SDK1: variants seen among roughly 807,000 people sequenced by gnomAD.
SDK1 encodes protein sidekick-1.
A neutral mutation model predicts 245.5 loss-of-function variants in SDK1; 157 were observed. The ratio of observed to expected loss-of-function variants is 0.64; its 90% CI spans 0.56 to 0.73. The LOEUF (loss-of-function observed/expected upper bound fraction) is 0.73. Among genes scored for constraint, SDK1 ranks in the 30% least tolerant of loss-of-function variants. The probability of loss-of-function intolerance (pLI) is 0.00; values close to 1 mark genes in which losing one functional copy is unlikely to be tolerated. For synonymous variants in SDK1, 1,647 were observed against 1,278.5 expected, an observed-to-expected ratio of 1.29 and a Z score of -6.15; for missense variants, 3,583 against 3,002.3, an observed-to-expected ratio of 1.19 and a Z score of -4.52.
At chr7:3,866,201 C>CATA (rs1426967800) in intron 5 of SDK1, among the ~76,000 whole-genome samples, 13 of 152,232 alleles carry the variant, frequency 8.5e-5, no homozygotes, top group African/African-American at 2.9e-4. Flanking sequence ...TCTCAGATCA[C>CATA]ACTGAAGAGC....
At chr7:3,403,683 G>C (rs980447598) in intron 1 of SDK1, among the ~76,000 whole-genome samples, 1 of 151,156 alleles carries the variant, frequency 6.6e-6, no homozygotes, top group African/African-American at 2.4e-5. Context: ...TGGTACAGTA[G>C]TTACTACCTA....
intron 1 of SDK1, among the ~76,000 whole-genome samples, chr7:3,479,978 G>C (rs1267559866): frequency 6.6e-6 from 1 of 151,912 alleles, no homozygotes; most frequent in Non-Finnish European, 1.5e-5. Flanking sequence ...GTGATAGGCA[G>C]AATAATGCCC....
chr7:4,180,422 A>C (rs1354765033), intron 35 of SDK1, among the ~76,000 whole-genome samples: 4 of 143,338 alleles, frequency 2.8e-5, no homozygotes, highest in African/African-American at 5.4e-5. Context: ...CTCTATGCCC[A>C]GCGCCCAGCT....
intron 1 of SDK1, among the ~76,000 whole-genome samples, chr7:3,453,955 C>A (rs150042495): frequency 8.0e-4 from 122 of 152,142 alleles, no homozygotes; most frequent in African/African-American, 2.8e-3. Context: ...GATTTTGATA[C>A]AATGTACGAC....
At chr7:3,304,318 C>G (rs896777537) in intron 1 of SDK1, among the ~76,000 whole-genome samples, 6 of 152,220 alleles carry the variant, frequency 3.9e-5, no homozygotes, top group African/African-American at 9.7e-5. Flanking sequence ...GCAACACATG[C>G]TTTCTTTATG....
intron 5 of SDK1, among the ~76,000 whole-genome samples, chr7:3,824,447 A>G (rs894782849): frequency 1.3e-5 from 2 of 152,188 alleles, no homozygotes; most frequent in East Asian, 1.9e-4. Context: ...ATGATCGGGT[A>G]CTGGTAATTA....
At chr7:3,693,967 C>T (rs752677829) in intron 4 of SDK1, among the ~76,000 whole-genome samples, 1 of 152,302 alleles carries the variant, frequency 6.6e-6, no homozygotes, top group South Asian at 2.1e-4. Flanking sequence ...CTTGCTCCCT[C>T]ACTCGTCCCA....
intron 40 of SDK1, 200 bp from the exon 41 acceptor site, chr7:4,233,052 AATC>A: frequency 1.8e-6 from 1 of 546,736 alleles, no homozygotes; most frequent in Non-Finnish European, 3.3e-6. Context: ...GTTGTTCTAC[AATC>A]ATCACACCAT....
chr7:4,194,339 CATGTATAG>C (rs1245117267), intron 35 of SDK1, among the ~76,000 whole-genome samples: 1 of 113,382 alleles, frequency 8.8e-6, no homozygotes, highest in Non-Finnish European at 1.8e-5. Flanking sequence ...TATGTGTATA[CATGTATAG>C]ATATATGTAT....
chr7:3,426,536 G>A (rs1462575871), intron 1 of SDK1, among the ~76,000 whole-genome samples: 1 of 152,184 alleles, frequency 6.6e-6, no homozygotes, highest in African/African-American at 2.4e-5. Context: ...CTGATACATA[G>A]ATGTAAAACC....
intron 13 of SDK1, among the ~76,000 whole-genome samples, chr7:3,977,277 C>G (rs377680718): frequency 0.014 from 148 of 10,330 alleles, 23 homozygotes; most frequent in African/African-American, 0.08. Context: ...GCCACACAGA[C>G]GGTCCTCCAG....
chr7:3,786,120 T>G (rs1780892687), intron 4 of SDK1, among the ~76,000 whole-genome samples: 1 of 152,180 alleles, frequency 6.6e-6, no homozygotes, highest in African/African-American at 2.4e-5. Context: ...CCTTGTTTGT[T>G]CTCTTTCTTT....
At chr7:4,136,281 G>A (rs939160222) in intron 28 of SDK1, among the ~76,000 whole-genome samples, 4 of 152,180 alleles carry the variant, frequency 2.6e-5, no homozygotes, top group Non-Finnish European at 2.9e-5. Flanking sequence ...ACCACACGGC[G>A]GAGGCTGCAG....
intron 4 of SDK1, among the ~76,000 whole-genome samples, chr7:3,709,386 T>C (rs571104394): frequency 2.0e-5 from 3 of 152,310 alleles, no homozygotes; most frequent in African/African-American, 7.2e-5. Flanking sequence ...CTTCTGCTGC[T>C]CCTACTTAAT....
intron 19 of SDK1, among the ~76,000 whole-genome samples, chr7:4,064,666 T>A (rs1779755959): frequency 6.6e-6 from 1 of 152,108 alleles, no homozygotes; most frequent in Non-Finnish European, 1.5e-5. Context: ...AACCCAAGCG[T>A]CCATCAGTAG....
intron 30 of SDK1, among the ~76,000 whole-genome samples, chr7:4,155,235 C>G (rs972826272): frequency 1.3e-5 from 2 of 152,064 alleles, no homozygotes; most frequent in African/African-American, 4.8e-5. Context: ...TTAACTCCCC[C>G]AGATCCGCAT....
intron 40 of SDK1, chr7:4,227,446 A>G (rs116729563): frequency 0.017 from 8,113 of 470,496 alleles, 236 homozygotes; most frequent in South Asian, 0.067. Context: ...TTTTTAAATC[A>G]GATGTATTTA....
At chr7:3,503,071 G>C (rs1266017111) in intron 1 of SDK1, among the ~76,000 whole-genome samples, 2 of 152,142 alleles carry the variant, frequency 1.3e-5, no homozygotes, top group African/African-American at 4.8e-5. Context: ...TAATGTTTTA[G>C]ATTACTTTTA....
chr7:3,467,809 G>A (rs898629631), intron 1 of SDK1, among the ~76,000 whole-genome samples: 1 of 152,014 alleles, frequency 6.6e-6, no homozygotes, highest in African/African-American at 2.4e-5. Flanking sequence ...TCTCTAAATG[G>A]AAATTTAGTC....
Sources: allele counts gnomAD v4.1 joint callset (sites outside exome capture counted in the v4.1 genomes callset), GRCh38; gene constraint gnomAD v4.1.1; transcripts MANE v1.5; gene names NCBI Gene and HGNC (gene_info 2026-07-23, HGNC 2026-07-21).